MTUS2: variants seen among roughly 807,000 people sequenced by gnomAD.
The protein encoded by MTUS2 is microtubule associated scaffold protein 2.
In MTUS2, 40 loss-of-function variants were observed where a neutral mutation model predicts 114.1. The observed-to-expected ratio is 0.35, with a 90% CI of 0.27 to 0.46. MTUS2 has a LOEUF of 0.46. MTUS2 is among the 20% of genes least tolerant of loss of function. The pLI is 1.00. For synonymous variants in MTUS2, 688 were observed against 672.0 expected (o/e 1.02, Z -0.37); for missense variants, 1,679 against 1,705.4 (o/e 0.98, Z 0.27).
At chr13:29,335,451 T>G (rs1901009346) in intron 7 of MTUS2, among the ~76,000 whole-genome samples, 1 of 152,178 alleles carries the variant, frequency 6.6e-6, no homozygotes. Context: ...CCTGCCTCCA[T>G]TTGCCTTGTG....
intron 5 of MTUS2, among the ~76,000 whole-genome samples, chr13:29,172,218 A>C (rs975739395): frequency 6.6e-6 from 1 of 152,232 alleles, no homozygotes; most frequent in Admixed American, 6.5e-5. Context: ...TCTTCAGTTT[A>C]CTGAGCCTCA....
chr13:29,303,421 A>T (rs1899296746), intron 6 of MTUS2, among the ~76,000 whole-genome samples: 1 of 152,226 alleles, frequency 6.6e-6, no homozygotes, highest in Admixed American at 6.5e-5. Context: ...ACTGGAGCTG[A>T]TAGCTAGAAT....
At chr13:29,336,134 A>T (rs1327056333) in intron 7 of MTUS2, among the ~76,000 whole-genome samples, 2 of 152,032 alleles carry the variant, frequency 1.3e-5, no homozygotes, top group Admixed American at 6.5e-5. Context: ...TCTGAAGCCT[A>T]CTTCTGTCAG....
chr13:28,986,295 G>T (rs950388323), intron 2 of MTUS2, among the ~76,000 whole-genome samples: 1 of 152,126 alleles, frequency 6.6e-6, no homozygotes, highest in African/African-American at 2.4e-5. Flanking sequence ...GTGGTCTTGA[G>T]GGTGATGGTG....
chr13:29,450,459 T>G (rs1364898756), intron 9 of MTUS2, among the ~76,000 whole-genome samples: 1 of 152,196 alleles, frequency 6.6e-6, no homozygotes, highest in East Asian at 1.9e-4. Flanking sequence ...GTTAATTCCC[T>G]TAAATTTCAG....
At chr13:29,317,308 T>C (rs1593295243) in intron 6 of MTUS2, among the ~76,000 whole-genome samples, 1 of 152,342 alleles carries the variant, frequency 6.6e-6, no homozygotes, top group East Asian at 1.9e-4. Context: ...CTTTAGTGCC[T>C]CAATATCAGA....
chr13:29,401,851 T>C (rs181673872), intron 8 of MTUS2, among the ~76,000 whole-genome samples: 177 of 152,314 alleles, frequency 1.2e-3, no homozygotes, highest in Non-Finnish European at 2.0e-3. Context: ...CCAGTTGAAG[T>C]GTGAAAACAA....
At chr13:29,034,226 T>C in intron 4 of MTUS2, 101 bp downstream of exon 4, 1 of 1,485,308 alleles carries the variant, frequency 6.7e-7, no homozygotes, top group South Asian at 1.2e-5. Context: ...TTTCATCCTT[T>C]AAGGAGAGCC....
chr13:29,056,831 G>T (rs1177309721), intron 4 of MTUS2, among the ~76,000 whole-genome samples: 1 of 151,862 alleles, frequency 6.6e-6, no homozygotes, highest in Non-Finnish European at 1.5e-5. Flanking sequence ...TCGGATTTTG[G>T]TTATTTCTTG....
At chr13:29,396,934 G>A (rs1873952908) in intron 8 of MTUS2, among the ~76,000 whole-genome samples, 3 of 152,196 alleles carry the variant, frequency 2.0e-5, no homozygotes, top group African/African-American at 7.2e-5. Flanking sequence ...CTCTTTGCCT[G>A]TGGGTACCTC....
chr13:28,873,369 C>T (rs1011926425), intron 2 of MTUS2, among the ~76,000 whole-genome samples: 1 of 152,170 alleles, frequency 6.6e-6, no homozygotes, highest in Non-Finnish European at 1.5e-5. Context: ...ATGCCACTTC[C>T]CTGAAGCCTT....
chr13:29,282,621 A>G (rs1593258711), intron 6 of MTUS2, among the ~76,000 whole-genome samples: 1 of 152,126 alleles, frequency 6.6e-6, no homozygotes, highest in Admixed American at 6.5e-5. Flanking sequence ...TTTCTACATT[A>G]TAGAAGGCAA....
At chr13:29,247,036 A>G (rs1391325785) in intron 5 of MTUS2, among the ~76,000 whole-genome samples, 1 of 152,244 alleles carries the variant, frequency 6.6e-6, no homozygotes, top group African/African-American at 2.4e-5. Flanking sequence ...TATATTCACC[A>G]AAACAACATG....
chr13:29,318,236 G>C (rs1304855273), intron 6 of MTUS2, among the ~76,000 whole-genome samples: 2 of 150,748 alleles, frequency 1.3e-5, no homozygotes, highest in Non-Finnish European at 2.9e-5. Context: ...GTGAGATTAA[G>C]AGCCTATAAA....
intron 4 of MTUS2, 75 bp from the exon 5 acceptor site, chr13:29,100,698 A>G (rs185761142): frequency 6.7e-7 from 1 of 1,491,354 alleles, no homozygotes; most frequent in Non-Finnish European, 9.1e-7. Context: ...CTGGGTTCGA[A>G]TTCATAATCT....
chr13:28,820,944 ATGAG>A (rs1873855535), intron 1 of MTUS2, among the ~76,000 whole-genome samples: 1 of 152,040 alleles, frequency 6.6e-6, no homozygotes, highest in Non-Finnish European at 1.5e-5. Flanking sequence ...TTAATTTAGT[ATGAG>A]TGTGTTATTT....
At chr13:29,449,464 A>G (rs928897161) in intron 9 of MTUS2, among the ~76,000 whole-genome samples, 3 of 152,174 alleles carry the variant, frequency 2.0e-5, no homozygotes, top group African/African-American at 7.2e-5. Flanking sequence ...AGTACCTCCA[A>G]GCTCTTCCAT....
intron 8 of MTUS2, among the ~76,000 whole-genome samples, chr13:29,432,039 G>A (rs1326053275): frequency 7.1e-6 from 1 of 139,926 alleles, no homozygotes; most frequent in African/African-American, 2.7e-5. Context: ...TTTTGGCAGA[G>A]CTGGGGTCTC....
intron 8 of MTUS2, among the ~76,000 whole-genome samples, chr13:29,392,583 T>C (rs1229308175): frequency 6.6e-6 from 1 of 152,246 alleles, no homozygotes; most frequent in African/African-American, 2.4e-5. Flanking sequence ...TACAGTAAAA[T>C]TCACACTTTC....
Sources: gnomAD v4.1 joint callset for allele counts (sites outside exome capture counted in the v4.1 genomes callset) on GRCh38, gnomAD v4.1.1 for gene constraint, MANE v1.5 for transcripts, NCBI Gene and HGNC (gene_info 2026-07-23, HGNC 2026-07-21) for gene names.